The following SNX29 variants were observed in gnomAD, a reference collection of about 807,000 sequenced individuals.
SNX29 encodes sorting nexin-29.
A neutral mutation model predicts 102.1 loss-of-function variants in SNX29; 78 were observed. The ratio of observed to expected loss-of-function variants is 0.76; its 90% confidence interval spans 0.64 to 0.92. The LOEUF is 0.92. Ranked by LOEUF, SNX29 falls within the 40% of genes least tolerant of loss-of-function variation. The pLI, the probability that SNX29 is intolerant of heterozygous loss-of-function variation, is 0.00. For synonymous variants in SNX29, 580 were observed against 414.5 expected (o/e 1.40, Z -4.85); for missense variants, 1,280 against 1,061.7 (o/e 1.21, Z -2.86).
intron 20 of SNX29, among the ~76,000 whole-genome samples, chr16:12,539,505 T>G (rs1242366309): frequency 6.6e-6 from 1 of 152,248 alleles, no homozygotes; most frequent in Non-Finnish European, 1.5e-5. Flanking sequence ...AAAGTTGCGT[T>G]GGTTCCAGTT....
At chr16:12,543,454 G>T (rs115778066) in intron 20 of SNX29, among the ~76,000 whole-genome samples, 6 of 152,168 alleles carry the variant, frequency 3.9e-5, no homozygotes, top group Admixed American at 3.3e-4. Context: ...TTCATGCTGC[G>T]GGGTCTGGTG....
chr16:12,302,830 A>G (rs1331579748), intron 15 of SNX29, among the ~76,000 whole-genome samples: 4 of 152,228 alleles, frequency 2.6e-5, no homozygotes, highest in Admixed American at 2.0e-4. Context: ...TTTAAAAGAC[A>G]TCTCATCAGT....
Position 12,271,136 on chromosome 16 carries a change from C to G in SNX29, c.1679-6797C>G, listed in dbSNP as rs189778318. On this transcript the variant is annotated intron_variant, in intron 14 of 20. Coordinates refer to ENST00000566228, the MANE Select transcript of SNX29 (RefSeq NM_032167.5). ...TAACTATTGTTGTGTAACAAATTAC[C>G]TCACAGTTAGATGGCTTAAAACAAC... Among the ~76,000 whole-genome samples, 268 of 152,334 alleles carry G rather than the reference C, an allele frequency of 1.8e-3. 2 individuals are homozygous for G. Among genetic ancestry groups the G allele is most frequent in the Non-Finnish European group, 1.2e-4 (8 of 68,034 alleles).
At position 12,554,074 on chromosome 16, in the gene SNX29, C is replaced by A. The variant is rs188663397; in HGVS notation, c.2319-14432C>A. ...ATCCTGACCTCAAATGATCCTCTCA[C>A]CTTGGCCTCCCAAAAGCACTTGGGA... On this transcript the variant is annotated intron_variant, in intron 20 of 20. Coordinates refer to ENST00000566228, the MANE Select transcript of SNX29 (RefSeq NM_032167.5). 2.5e-3 allele frequency among the ~76,000 whole-genome samples: 374 copies of A among 152,312 alleles called. 2 individuals are homozygous for A. Among genetic ancestry groups the A allele is most frequent in the Admixed American group, 3.5e-3 (53 of 15,300 alleles).
rs995519622 is a variant in SNX29 at position 12,441,290 on chromosome 16, G to T, written c.2038-36429G>T. ...TTTTTGGTAGAGACGGGGTTTCACT[G>T]TGTTAGTCAGGATGGTACCAATCTC... On this transcript the variant is annotated intron_variant, in intron 18 of 20. Coordinates refer to ENST00000566228, the MANE Select transcript of SNX29 (RefSeq NM_032167.5). Among the ~76,000 whole-genome samples, 11 of 151,968 alleles carry T rather than the reference G, an allele frequency of 7.2e-5. No homozygotes were observed. The South Asian group carries it at 2.3e-3, about 32-fold the overall frequency.
chr16:11,997,508 C>T (rs2056123559), intron 1 of SNX29, among the ~76,000 whole-genome samples: 1 of 150,986 alleles, frequency 6.6e-6, no homozygotes, highest in African/African-American at 2.4e-5. Context: ...GATAGGGCCT[C>T]ACTCTGTCAC....
chr16:12,267,768 A>T (rs1390630833), intron 14 of SNX29, among the ~76,000 whole-genome samples: 1 of 152,062 alleles, frequency 6.6e-6, no homozygotes, highest in African/African-American at 2.4e-5. Context: ...CCTGGCTTCT[A>T]CCTCCCAGCC....
chr16:12,051,094 G>C (rs1397003938), intron 7 of SNX29, among the ~76,000 whole-genome samples: 1 of 152,164 alleles, frequency 6.6e-6, no homozygotes, highest in Admixed American at 6.5e-5. Context: ...TTAGGAGGCT[G>C]AGGTGGGAGT....
At chr16:12,279,742 G>C (rs1193656183) in intron 15 of SNX29, among the ~76,000 whole-genome samples, 1 of 152,240 alleles carries the variant, frequency 6.6e-6, no homozygotes, top group Non-Finnish European at 1.5e-5. Flanking sequence ...AATGGTAGGT[G>C]CTGCGTAACC....
chr16:12,568,745 A>G lies in SNX29; in HGVS notation c.*116A>G, dbSNP rs1426497348. The G allele has an allele frequency of 7.0e-7, 1 of 1,429,378 alleles. No individual in the cohort carries two copies. The highest frequency in any genetic ancestry group is 9.3e-7 in the Non-Finnish European group (1 of 1,071,920). 88.5% of individuals were successfully genotyped at this position (1,429,378 alleles called of 1,614,324 possible). A position where few individuals can be genotyped will look rare whatever the true frequency, so the allele number is the denominator to read the frequency against. On this transcript the variant is annotated 3_prime_UTR_variant, in exon 21 of 21. Transcript: ENST00000566228. ...ACCACGTCCACCTGGTGATCCTGAG[A>G]GCACACGATTCCCAACAGTTACACA...
At chr16:12,264,011 C>A (rs2078854066) in intron 14 of SNX29, among the ~76,000 whole-genome samples, 1 of 152,322 alleles carries the variant, frequency 6.6e-6, no homozygotes, top group Admixed American at 6.5e-5. Flanking sequence ...CCGGACCAGG[C>A]ACCCTTCTGA....
chr16:12,468,347 G>A (rs1296838608), intron 18 of SNX29, among the ~76,000 whole-genome samples: 13 of 151,738 alleles, frequency 8.6e-5, no homozygotes, highest in Admixed American at 6.6e-4. Flanking sequence ...GCTAATTTTT[G>A]TATTATTAGT....
In SNX29 at chr16:12,478,555, A is replaced by G. The variant is rs35804589; in HGVS notation, c.2178+696A>G. ...GATTAATATTATTCACTCAGCAGTCATTAATTGGGCTCCAATTGTGTGTCA... is the reference window on the plus strand; with the variant it reads ...GATTAATATTATTCACTCAGCAGTCGTTAATTGGGCTCCAATTGTGTGTCA... On this transcript the variant is annotated intron_variant, in intron 19 of 20. Coordinates refer to ENST00000566228, the MANE Select transcript of SNX29 (RefSeq NM_032167.5). Among the ~76,000 whole-genome samples the G allele has an allele frequency of 2.4e-3, 360 of 152,318 alleles. 1 individual carries two copies. The highest frequency in any genetic ancestry group is 2.9e-3 in the Non-Finnish European group (199 of 68,026).
chr16:11,999,496 TC>T, intron 2 of SNX29, 138 bp downstream of exon 2: 2 of 863,830 alleles, frequency 2.3e-6, no homozygotes, highest in African/African-American at 1.7e-5. Flanking sequence ...TACTCATTTT[TC>T]CCAGGAAATG....
chr16:12,335,383 G>A (rs754553915), intron 15 of SNX29, among the ~76,000 whole-genome samples: 5 of 152,122 alleles, frequency 3.3e-5, no homozygotes, highest in Non-Finnish European at 5.9e-5. Context: ...GTGACTATAA[G>A]GCCAGGTGCA....
At chr16:12,022,925 C>G (rs577715245) in intron 3 of SNX29, among the ~76,000 whole-genome samples, 1 of 131,274 alleles carries the variant, frequency 7.6e-6, no homozygotes, top group East Asian at 2.2e-4. Context: ...GAGACCAAGT[C>G]TCTCTCTGTT....
At chr16:12,376,751 AAAAAAAAG>A (rs1411073119) in intron 16 of SNX29, among the ~76,000 whole-genome samples, 1 of 151,076 alleles carries the variant, frequency 6.6e-6, no homozygotes, top group Non-Finnish European at 1.5e-5. Flanking sequence ...AAAAAAAAAA[AAAAAAAAG>A]AACAATTCTA....
intron 14 of SNX29, among the ~76,000 whole-genome samples, chr16:12,202,037 A>G (rs1015220738): frequency 3.3e-5 from 5 of 152,172 alleles, no homozygotes; most frequent in African/African-American, 4.8e-5. Flanking sequence ...GATATGAGCC[A>G]TTTCAGGATG....
chr16:12,555,133 C>G (rs972985376), intron 20 of SNX29, among the ~76,000 whole-genome samples: 35 of 151,908 alleles, frequency 2.3e-4, no homozygotes, highest in African/African-American at 8.2e-4. Flanking sequence ...AAGGCTTATT[C>G]TCAGACTTGG....
Sources: gnomAD v4.1 joint callset for allele counts (sites outside exome capture counted in the v4.1 genomes callset) on GRCh38, gnomAD v4.1.1 for gene constraint, MANE v1.5 for transcripts, NCBI Gene and HGNC (gene_info 2026-07-23, HGNC 2026-07-21) for gene names.